ZBTB44: variants seen among roughly 807,000 people sequenced by gnomAD.
ZBTB44 encodes zinc finger and BTB domain containing 44.
A neutral mutation model predicts 54.0 loss-of-function variants in ZBTB44; 15 were observed. The observed-to-expected ratio is 0.28, with a 90% CI of 0.19 to 0.43. The LOEUF (loss-of-function observed/expected upper bound fraction) is 0.43, where lower values mean the gene tolerates loss of function less well. ZBTB44 is among the 20% of genes least tolerant of loss of function. ZBTB44 has a pLI of 1.00. For missense variants in ZBTB44, 487 were observed against 707.1 expected, an observed-to-expected ratio of 0.69 and a Z score of 3.53; for synonymous variants, 230 against 250.1, an observed-to-expected ratio of 0.92 and a Z score of 0.76.
At chr11:130,285,424 T>TG (rs1337069598) in intron 1 of ZBTB44, 1 of 152,640 alleles carries the variant, frequency 6.6e-6, no homozygotes, top group African/African-American at 2.4e-5. Flanking sequence ...CCTGAGTAGC[T>TG]GGGATTACAG....
intron 1 of ZBTB44, among the ~76,000 whole-genome samples, chr11:130,301,858 A>G (rs1002591725): frequency 2.6e-5 from 4 of 151,964 alleles, no homozygotes; most frequent in African/African-American, 7.3e-5. Flanking sequence ...AGACCAGCCA[A>G]TGCAACATGG....
intron 1 of ZBTB44, among the ~76,000 whole-genome samples, chr11:130,283,470 T>C (rs907140982): frequency 6.6e-6 from 1 of 152,196 alleles, no homozygotes; most frequent in African/African-American, 2.4e-5. Context: ...TCAAAAGAAC[T>C]GCAGGGAACA....
At chr11:130,299,634 T>C (rs561163352) in intron 1 of ZBTB44, among the ~76,000 whole-genome samples, 7 of 146,628 alleles carry the variant, frequency 4.8e-5, no homozygotes, top group Non-Finnish European at 1.0e-4. Flanking sequence ...TCTAATGTAA[T>C]AGTAAAAAAA....
At chr11:130,293,306 TAA>T (rs71061378) in intron 1 of ZBTB44, among the ~76,000 whole-genome samples, 1,982 of 134,706 alleles carry the variant, frequency 0.015, 17 homozygotes, top group African/African-American at 0.033. Context: ...TACTAAAAAT[TAA>T]AAAAAAAAAA....
chr11:130,266,237 C>T (rs547698706), intron 1 of ZBTB44, among the ~76,000 whole-genome samples: 1 of 152,328 alleles, frequency 6.6e-6, no homozygotes, highest in African/African-American at 2.4e-5. Context: ...AGCCTGATGA[C>T]AGCACATCTA....
chr11:130,279,308 T>TTA (rs1231604499), intron 1 of ZBTB44, among the ~76,000 whole-genome samples: 9 of 110,156 alleles, frequency 8.2e-5, no homozygotes, highest in African/African-American at 2.6e-4. Context: ...TACTGTTATT[T>TTA]AAAAAAAAAA....
At chr11:130,270,807 T>C (rs1939612147) in intron 1 of ZBTB44, among the ~76,000 whole-genome samples, 1 of 152,200 alleles carries the variant, frequency 6.6e-6, no homozygotes, top group South Asian at 2.1e-4. Context: ...GGGTTGATGA[T>C]GGGGAAAGAA....
At chr11:130,306,695 T>C (rs114648547) in intron 1 of ZBTB44, among the ~76,000 whole-genome samples, 2,102 of 152,126 alleles carry the variant, frequency 0.014, 38 homozygotes, top group African/African-American at 0.04. Flanking sequence ...AAAGAAAACG[T>C]GGTATATTTA....
rs1470107284 is a variant in ZBTB44 at position 130,236,930 on chromosome 11, G to A, written c.1431C>T (p.Ser477=). Residue 477 remains serine, a synonymous_variant, in exon 5 of 8, where the codon TCC becomes TCT. Transcript: ENST00000357899. ...TCCGAGGCTTGCGGATAATGTGCCG[G>A]GAAACCCTCATGTGGTGTTTATATT... ...FGEYKHHMRV[S]RHIIRKPRIY... is the part of the protein sequence containing the mutation. The A allele has an allele frequency of 1.2e-6, 2 of 1,606,790 alleles. No homozygotes were observed. The highest frequency in any genetic ancestry group is 1.7e-6 in the Non-Finnish European group (2 of 1,177,130).
chr11:130,305,101 A>T (rs537726593), intron 1 of ZBTB44, among the ~76,000 whole-genome samples: 1 of 152,368 alleles, frequency 6.6e-6, no homozygotes, highest in South Asian at 2.1e-4. Flanking sequence ...GTTCAAACAA[A>T]TCATCGATGA....
At chr11:130,269,801 T>C (rs1404437806) in intron 1 of ZBTB44, among the ~76,000 whole-genome samples, 1 of 152,152 alleles carries the variant, frequency 6.6e-6, no homozygotes, top group Non-Finnish European at 1.5e-5. Context: ...TTTTTTCTCA[T>C]CTGAAAAACA....
At position 130,228,124 on chromosome 11, in the gene ZBTB44, G is replaced by A. The variant is rs773349528; in HGVS notation, c.*3640C>T. The A allele has an allele frequency of 4.6e-5, 7 of 152,186 alleles. No homozygotes were observed. The highest frequency in any genetic ancestry group is 8.8e-5 in the Non-Finnish European group (6 of 68,034). The allele number at this position is 152,186 out of a possible 1,614,324, so 9.4% of individuals were successfully genotyped here. On this transcript the variant is annotated 3_prime_UTR_variant, in exon 8 of 8. Coordinates refer to ENST00000357899, the MANE Select transcript of ZBTB44 (RefSeq NM_001301098.2). Reference sequence around the variant, plus strand: ...GTGCCACAAGGCTGCCCTACAAAGAGGCAGGCAATCTCTACCTGATGCAAC... The same window carrying A: ...GTGCCACAAGGCTGCCCTACAAAGAAGCAGGCAATCTCTACCTGATGCAAC...
At chr11:130,238,758 T>A in intron 3 of ZBTB44, 151 bp from the exon 4 acceptor site, 1 of 819,866 alleles carries the variant, frequency 1.2e-6, no homozygotes, top group Non-Finnish European at 1.7e-6. Context: ...ACTTTAACAA[T>A]ATGAAAAACA....
chr11:130,274,423 T>C (rs1939904831), intron 1 of ZBTB44, among the ~76,000 whole-genome samples: 1 of 152,186 alleles, frequency 6.6e-6, no homozygotes, highest in African/African-American at 2.4e-5. Context: ...AGAGCAGATA[T>C]CCTTGTCTTG....
chr11:130,310,832 G>T (rs1410749319), intron 1 of ZBTB44, among the ~76,000 whole-genome samples: 2 of 152,050 alleles, frequency 1.3e-5, no homozygotes, highest in African/African-American at 4.8e-5. Context: ...AACCTCCCCG[G>T]TTCAAGCAAT....
At chr11:130,287,469 C>T (rs992474166) in intron 1 of ZBTB44, among the ~76,000 whole-genome samples, 1 of 152,122 alleles carries the variant, frequency 6.6e-6, no homozygotes, top group Non-Finnish European at 1.5e-5. Context: ...TTACTAAATC[C>T]AGCATGTTCG....
chr11:130,288,160 G>A (rs2134334189), intron 1 of ZBTB44, among the ~76,000 whole-genome samples: 1 of 152,012 alleles, frequency 6.6e-6, no homozygotes, highest in Admixed American at 6.5e-5. Flanking sequence ...ATCACCTGAG[G>A]TCAGGAGTTC....
chr11:130,246,720 A>G (rs1954662860), intron 2 of ZBTB44, among the ~76,000 whole-genome samples: 1 of 152,204 alleles, frequency 6.6e-6, no homozygotes, highest in African/African-American at 2.4e-5. Context: ...ATCTCAATTT[A>G]TACTTGAAAA....
At chr11:130,257,639 T>A (rs1033842253) in intron 2 of ZBTB44, among the ~76,000 whole-genome samples, 2 of 152,178 alleles carry the variant, frequency 1.3e-5, no homozygotes, top group Admixed American at 6.5e-5. Flanking sequence ...CCTCTGACTA[T>A]GAGAGAATAA....
Sources: allele counts gnomAD v4.1 joint callset (sites outside exome capture counted in the v4.1 genomes callset), GRCh38; gene constraint gnomAD v4.1.1; transcripts MANE v1.5; gene names NCBI Gene and HGNC (gene_info 2026-07-23, HGNC 2026-07-21).